The following INPP5J variants were observed in gnomAD, a reference collection of about 807,000 sequenced individuals.
INPP5J encodes the protein inositol polyphosphate-5-phosphatase J, also known as phosphatidylinositol 4,5-bisphosphate 5-phosphatase A.
INPP5J carries 75 observed loss-of-function variants against 86.6 expected under a neutral mutation model. The ratio of observed to expected loss-of-function variants is 0.87; its 90% CI spans 0.72 to 1.05. The LOEUF (loss-of-function observed/expected upper bound fraction) is 1.05. Ranked by LOEUF, INPP5J falls within the 50% of genes least tolerant of loss-of-function variation. The probability of loss-of-function intolerance (pLI) is 0.00; values close to 1 mark genes in which losing one functional copy is unlikely to be tolerated. For synonymous variants in INPP5J, 540 were observed against 550.0 expected (o/e 0.98, Z 0.25); for missense variants, 1,229 against 1,341.2 (o/e 0.92, Z 1.31).
intron 9 of INPP5J, among the ~76,000 whole-genome samples, chr22:31,130,555 AC>A (rs1260461625): frequency 1.3e-5 from 2 of 151,974 alleles, no homozygotes; most frequent in Non-Finnish European, 2.9e-5. Flanking sequence ...CATTTTCACT[AC>A]TAGTGTCTTA....
chr22:31,130,338 T>C (rs1452512047), intron 9 of INPP5J, among the ~76,000 whole-genome samples: 1 of 151,798 alleles, frequency 6.6e-6, no homozygotes, highest in Non-Finnish European at 1.5e-5. Context: ...CAAGACTGTG[T>C]CTCAGGGAAA....
intron 5 of INPP5J, 97 bp downstream of exon 5, chr22:31,127,134 C>T: frequency 1.1e-6 from 1 of 913,570 alleles, no homozygotes; most frequent in African/African-American, 1.6e-5. Context: ...TTCCCATCCT[C>T]CACCCTTTAC....
intron 1 of INPP5J, chr22:31,124,387 T>C: frequency 1.2e-6 from 1 of 821,260 alleles, no homozygotes; most frequent in Non-Finnish European, 1.5e-6. Flanking sequence ...TGTAGGTCTG[T>C]ATCTTGACAA....
chr22:31,125,499 C>T lies in INPP5J; in HGVS notation c.760C>T (p.Gln254Ter). The change falls in exon 2 of 13, where the codon CAG becomes TAG. Residue 254 changes from glutamine (Q) to a stop codon, truncating the protein, a stop_gained. Transcript: ENST00000331075. LOFTEE classifies it high-confidence loss of function. ...RPLPASEGHL[Q>*]PPAQTSGPTG... ...TCTCCCTGCTTCTGAGGGGCATCTC[C>T]AGCCTCCAGCTCAGACATCTGGTCC... 6.4e-7 allele frequency: 1 copy of T among 1,550,468 alleles called. No homozygotes were observed. Among genetic ancestry groups the T allele is most frequent in the Non-Finnish European group, 8.7e-7 (1 of 1,146,942 alleles).
At chr22:31,133,275 G>C in intron 10 of INPP5J, 40 bp downstream of exon 10, 1 of 1,603,086 alleles carries the variant, frequency 6.2e-7, no homozygotes, top group Non-Finnish European at 8.5e-7. Context: ...AGGGAAGAAA[G>C]GGGCCTGGAG....
rs746852243 is a variant in INPP5J at position 31,125,524 on chromosome 22, C to T, written c.785C>T (p.Pro262Leu). 6 of 1,550,580 alleles carry T rather than the reference C, an allele frequency of 3.9e-6. No individual in the cohort carries two copies. In the South Asian group the frequency reaches 5.9e-5, roughly 15 times the overall value. Reference protein sequence around the residue: ...HLQPPAQTSGPTGSPPCIQTS... With the variant: ...HLQPPAQTSGLTGSPPCIQTS... ...CAGCCTCCAGCTCAGACATCTGGTC[C>T]TACAGGCTCCCCACCCTGCATCCAA... Residue 262 changes from proline to leucine, a missense_variant, in exon 2 of 13, where the codon CCT (proline) becomes CTT (leucine). By Grantham distance (98) the Pro-to-Leu change is moderately conservative. Transcript: ENST00000331075.
In INPP5J at chr22:31,124,886, C is replaced by T. The variant is rs771476586; in HGVS notation, c.147C>T (p.Ala49=). The T allele has an allele frequency of 6.2e-7, 1 of 1,613,868 alleles. No homozygotes were observed. Among genetic ancestry groups the T allele is most frequent in the Non-Finnish European group, 8.5e-7 (1 of 1,179,800 alleles). The change falls in exon 2 of 13, where the codon GCC becomes GCT. Residue 49 remains alanine (A), a synonymous_variant. Coordinates refer to ENST00000331075, the MANE Select transcript of INPP5J (RefSeq NM_001284285.2). The part of the protein sequence containing the change: ...SFQLPAKKNA[A]LGPSEPRLAL... Reference sequence around the variant, plus strand: ...AGCTCCCAGCAAAGAAGAACGCAGCCCTAGGACCCTCGGAACCAAGGTTGG... The same window carrying T: ...AGCTCCCAGCAAAGAAGAACGCAGCTCTAGGACCCTCGGAACCAAGGTTGG...
chr22:31,125,309 T>G lies in INPP5J; in HGVS notation c.570T>G (p.Ala190=), dbSNP rs757994180. The change falls in exon 2 of 13, where the codon GCT becomes GCG. Residue 190 remains alanine (A), a synonymous_variant. Coordinates refer to ENST00000331075, the MANE Select transcript of INPP5J (RefSeq NM_001284285.2). Reference sequence around the variant, plus strand: ...CCTCTGGCCTGAGCCTGGCCCTGGCTTCTGAGGAGCAGCCCCCAGAACTCC... The same window carrying G: ...CCTCTGGCCTGAGCCTGGCCCTGGCGTCTGAGGAGCAGCCCCCAGAACTCC... ...LAASGLSLAL[A]SEEQPPELPS... is the part of the protein sequence containing the mutation. 2 of 1,550,508 alleles carry G rather than the reference T, an allele frequency of 1.3e-6. No homozygotes were observed. The highest frequency in any genetic ancestry group is 2.7e-5 in the African/African-American group (2 of 73,150).
Position 31,133,247 on chromosome 22 carries a change from A to C in INPP5J, c.2331+12A>C. 6.2e-7 allele frequency: 1 copy of C among 1,605,424 alleles called. No homozygotes were observed. ...TCGGCTTATACCGGGTGAGAGGGGC[A>C]GTGGTGGTCAGCGACTCAGGGAAGA... On this transcript the variant is annotated intron_variant, in intron 10 of 12. Transcript: ENST00000331075.
chr22:31,126,631 C>G lies in INPP5J; in HGVS notation c.1404C>G (p.Ser468=). 5 of 1,613,852 alleles carry G rather than the reference C, an allele frequency of 3.1e-6. No homozygotes were observed. The highest frequency in any genetic ancestry group is 3.4e-6 in the Non-Finnish European group (4 of 1,179,768). ...CCTCCAGGTTGCAGGAAGTGAACTC[C>G]ATGCTCAACAAGCGACTCAAGGACG... The part of the protein sequence containing the change: ...MIAIGLQEVN[S]MLNKRLKDAL... The change falls in exon 4 of 13, where the codon TCC becomes TCG. Residue 468 remains serine, a synonymous_variant. Transcript: ENST00000331075.
At chr22:31,126,591 C>T (rs1353100771) in intron 3 of INPP5J, 22 bp from the exon 4 acceptor site, 3 of 1,608,224 alleles carry the variant, frequency 1.9e-6, no homozygotes, top group Non-Finnish European at 1.7e-6. Flanking sequence ...ATCCCATGGC[C>T]ACCCTGCCCC....
intron 9 of INPP5J, among the ~76,000 whole-genome samples, chr22:31,132,070 G>T (rs1197346061): frequency 6.6e-6 from 1 of 152,214 alleles, no homozygotes; most frequent in Admixed American, 6.5e-5. Context: ...CTTGGGGAAA[G>T]GATACTCGTG....
chr22:31,125,983 C>T lies in INPP5J; in HGVS notation c.1244C>T (p.Pro415Leu). 1 of 1,590,174 alleles carries T rather than the reference C, an allele frequency of 6.3e-7. No homozygotes were observed. The stretch of plus-strand genomic sequence containing the variant: ...TCATCCTCCCCTTGGTCAGCTCAGC[C>T]TACCTGGAAGAGCGACCCCGGCTTC... Reference protein sequence around the residue: ...TLSSSPWSAQPTWKSDPGFRI... With the variant: ...TLSSSPWSAQLTWKSDPGFRI... Residue 415 changes from proline to leucine, a missense_variant, in exon 2 of 13, where the codon CCT becomes CTT. By Grantham distance (98) the Pro-to-Leu change is moderately conservative. Transcript: ENST00000331075.
At position 31,125,554 on chromosome 22, in the gene INPP5J, C is replaced by T; in HGVS notation, c.815C>T (p.Ser272Phe). 6.4e-7 allele frequency: 1 copy of T among 1,550,574 alleles called. No individual in the cohort carries two copies. Among genetic ancestry groups the T allele is most frequent in the East Asian group, 2.4e-5 (1 of 40,900 alleles). The change falls in exon 2 of 13, where the codon TCC (serine) becomes TTC (phenylalanine). Residue 272 changes from serine to phenylalanine, a missense_variant. Coordinates refer to ENST00000331075, the MANE Select transcript of INPP5J (RefSeq NM_001284285.2). ...PTGSPPCIQT[S>F]PDPRLSPSFR... ...GGCTCCCCACCCTGCATCCAAACCT[C>T]CCCAGACCCTCGGCTCTCCCCCTCC...
At chr22:31,130,482 C>G (rs79377109) in intron 9 of INPP5J, among the ~76,000 whole-genome samples, 1,847 of 151,762 alleles carry the variant, frequency 0.012, 32 homozygotes, top group African/African-American at 0.043. Context: ...CCACTGCACT[C>G]CAGCCCAGGC....
chr22:31,128,961 C>T (rs1921790777), intron 9 of INPP5J, among the ~76,000 whole-genome samples: 1 of 119,374 alleles, frequency 8.4e-6, no homozygotes, highest in Non-Finnish European at 1.6e-5. Flanking sequence ...GAGACAGAGT[C>T]TCATTCTGTC....
chr22:31,127,082 G>C (rs966458735), intron 5 of INPP5J, 45 bp downstream of exon 5: 11 of 1,313,080 alleles, frequency 8.4e-6, no homozygotes, highest in Non-Finnish European at 1.1e-5. Flanking sequence ...CATGAAGGGG[G>C]CTTTAGATTA....
rs1921316367 is a variant in INPP5J, at chr22:31,125,703, C to T, written c.964C>T (p.Leu322Phe). The change falls in exon 2 of 13, where the codon CTT becomes TTT. Residue 322 changes from leucine to phenylalanine, a missense_variant. Physicochemically the swap from Leu to Phe is conservative, Grantham distance 22 (BLOSUM62 0). Transcript: ENST00000331075. ...PSEPGTHSPG[L>F]LSPTFRPGAP... Reference sequence around the variant, plus strand: ...AGAGCCTGGCACTCACTCCCCTGGACTTCTGTCCCCCACCTTCCGGCCTGG... The same window carrying T: ...AGAGCCTGGCACTCACTCCCCTGGATTTCTGTCCCCCACCTTCCGGCCTGG... The T allele has an allele frequency of 6.4e-7, 1 of 1,551,106 alleles. No individual in the cohort carries two copies. Among genetic ancestry groups the T allele is most frequent in the Non-Finnish European group, 8.7e-7 (1 of 1,146,888 alleles).
rs756759428 is a variant in INPP5J at position 31,134,221 on chromosome 22, C to T, written c.2823C>T (p.Pro941=). 8 of 1,550,318 alleles carry T rather than the reference C, an allele frequency of 5.2e-6. No individual in the cohort carries two copies. Among genetic ancestry groups the T allele is most frequent in the Non-Finnish European group, 7.0e-6 (8 of 1,146,844 alleles). The part of the protein sequence containing the change: ...GSSRGSSEEG[P]SGLPGPWAFP... ...GCCGGGGCAGTAGTGAAGAGGGGCC[C>T]TCTGGGTTGCCTGGCCCCTGGGCCT... is the stretch of plus-strand genomic sequence containing the variant. The change falls in exon 13 of 13, where the codon CCC becomes CCT. Residue 941 remains proline, a synonymous_variant. Coordinates refer to ENST00000331075, the MANE Select transcript of INPP5J (RefSeq NM_001284285.2).
Sources: gnomAD v4.1 joint callset for allele counts (sites outside exome capture counted in the v4.1 genomes callset) on GRCh38, gnomAD v4.1.1 for gene constraint, MANE v1.5 for transcripts, NCBI Gene and HGNC (gene_info 2026-07-23, HGNC 2026-07-21) for gene names.